Variants in OR51C1 observed in about 807,000 individuals in gnomAD.
OR51C1 encodes olfactory receptor family 51 subfamily C member 1, also known as olfactory receptor OR51C1.
the OR51C1 span, chr11:4,691,597 G>T: frequency 6.6e-6 from 3 of 455,600 alleles, no homozygotes; most frequent in Admixed American, 4.7e-5. Flanking sequence ...GTTACAGAGA[G>T]GAAGCAGAAG....
chr11:4,696,120 A>T, the OR51C1 span, among the ~76,000 whole-genome samples: 1 of 152,210 alleles, frequency 6.6e-6, no homozygotes. Context: ...AATAATTGAC[A>T]GCATTTTGGA....
the OR51C1 span, among the ~76,000 whole-genome samples, chr11:4,694,771 T>C: frequency 9.4e-4 from 143 of 152,250 alleles, no homozygotes; most frequent in African/African-American, 3.2e-3. Flanking sequence ...ATGTATCTAA[T>C]TGATAAGGCA....
At chr11:4,697,133 A>G in the OR51C1 span, among the ~76,000 whole-genome samples, 2 of 152,234 alleles carry the variant, frequency 1.3e-5, no homozygotes, top group African/African-American at 2.4e-5. Context: ...AGTCTGAAAC[A>G]TATTTGAAAT....
chr11:4,693,583 T>C, the OR51C1 span, among the ~76,000 whole-genome samples: 2 of 151,902 alleles, frequency 1.3e-5, no homozygotes, highest in Non-Finnish European at 2.9e-5. Context: ...TAGCCGGGCG[T>C]GGTGGCGGGC....
the OR51C1 span, among the ~76,000 whole-genome samples, chr11:4,693,126 G>T: frequency 6.6e-6 from 1 of 152,104 alleles, no homozygotes; most frequent in Non-Finnish European, 1.5e-5. Context: ...ACAAAGAAAT[G>T]ATAAATATTT....
the OR51C1 span, among the ~76,000 whole-genome samples, chr11:4,694,365 C>T: frequency 2.6e-5 from 4 of 151,844 alleles, no homozygotes; most frequent in African/African-American, 4.8e-5. Context: ...CCTACGTTCA[C>T]GCTGGGCTCA....
At chr11:4,693,448 G>C in the OR51C1 span, among the ~76,000 whole-genome samples, 4 of 152,334 alleles carry the variant, frequency 2.6e-5, no homozygotes, top group South Asian at 8.3e-4. Context: ...CAGGCTGGGC[G>C]CGGTGGCTCA....
At chr11:4,693,990 C>T in the OR51C1 span, among the ~76,000 whole-genome samples, 4 of 152,064 alleles carry the variant, frequency 2.6e-5, no homozygotes, top group African/African-American at 9.7e-5. Flanking sequence ...CAGAGGGGCT[C>T]CATTTATGTC....
At chr11:4,690,591 T>C in the OR51C1 span, 1 of 256,722 alleles carries the variant, frequency 3.9e-6, no homozygotes, top group Non-Finnish European at 7.7e-6. Context: ...GAAAATAAAG[T>C]AGTCAAACTA....
chr11:4,695,805 G>T, the OR51C1 span, among the ~76,000 whole-genome samples: 1 of 151,908 alleles, frequency 6.6e-6, no homozygotes, highest in Non-Finnish European at 1.5e-5. Flanking sequence ...GTTAAACAAT[G>T]GTTTTGTTCT....
the OR51C1 span, among the ~76,000 whole-genome samples, chr11:4,693,459 C>T: frequency 1.3e-5 from 2 of 152,254 alleles, no homozygotes; most frequent in South Asian, 2.1e-4. Context: ...CGGTGGCTCA[C>T]GCCTGTAGTC....
At chr11:4,691,083 G>C in the OR51C1 span, 10 of 456,802 alleles carry the variant, frequency 2.2e-5, no homozygotes, top group South Asian at 1.5e-4. Flanking sequence ...ACCAACAGTA[G>C]AGAACATGGC....
At chr11:4,692,120 G>A in the OR51C1 span, 1 of 447,456 alleles carries the variant, frequency 2.2e-6, no homozygotes, top group South Asian at 1.6e-5. Flanking sequence ...TGGCACCAGA[G>A]AAAAATACAC....
the OR51C1 span, among the ~76,000 whole-genome samples, chr11:4,692,555 A>C: frequency 2.6e-5 from 4 of 152,210 alleles, no homozygotes; most frequent in Admixed American, 6.5e-5. Flanking sequence ...TTTATTGCAA[A>C]CATCACATTT....
chr11:4,696,889 A>G, the OR51C1 span, among the ~76,000 whole-genome samples: 7 of 152,152 alleles, frequency 4.6e-5, no homozygotes, highest in African/African-American at 1.7e-4. Context: ...ATCATGTGTG[A>G]CTGACCTGGG....
At chr11:4,697,529 C>G in the OR51C1 span, 25 of 152,766 alleles carry the variant, frequency 1.6e-4, no homozygotes, top group African/African-American at 5.8e-4. Context: ...TACCGTCCTC[C>G]TCAGCCCACC....
chr11:4,697,465 G>A, the OR51C1 span, among the ~76,000 whole-genome samples: 1 of 152,192 alleles, frequency 6.6e-6, no homozygotes, highest in Non-Finnish European at 1.5e-5. Context: ...ATATCAGGCA[G>A]AACGAAATAC....
the OR51C1 span, chr11:4,691,693 A>G: frequency 2.7e-6 from 1 of 368,136 alleles, no homozygotes; most frequent in African/African-American, 2.1e-5. Flanking sequence ...ATATTCTGCA[A>G]AGTTGACGTG....
the OR51C1 span, among the ~76,000 whole-genome samples, chr11:4,695,787 T>C: frequency 3.4e-5 from 5 of 147,116 alleles, no homozygotes; most frequent in Non-Finnish European, 6.0e-5. Context: ...TTTTTTTTTT[T>C]CCTGTTTGTT....
Sources: allele counts gnomAD v4.1 joint callset (sites outside exome capture counted in the v4.1 genomes callset), GRCh38; gene constraint gnomAD v4.1.1; transcripts MANE v1.5; gene names NCBI Gene and HGNC (gene_info 2026-07-23, HGNC 2026-07-21).